FGF12: variants seen among roughly 807,000 people sequenced by gnomAD.
FGF12 encodes the protein fibroblast growth factor 12, also known as fibroblast growth factor 12B.
Under a neutral mutation model 23.6 loss-of-function variants are expected in FGF12, and 14 were observed. The observed-to-expected ratio is 0.59, with a 90% CI of 0.39 to 0.93. The LOEUF (loss-of-function observed/expected upper bound fraction) is 0.93, where lower values mean the gene tolerates loss of function less well. FGF12 is among the 40% of genes least tolerant of loss of function. The pLI, the probability that FGF12 is intolerant of heterozygous loss-of-function variation, is 0.00. For missense variants in FGF12, 175 were observed against 217.8 expected (o/e 0.80, Z 1.24); for synonymous variants, 62 against 77.3 (o/e 0.80, Z 1.04).
chr3:192,539,318 T>C (rs530669575), intron 2 of FGF12, among the ~76,000 whole-genome samples: 1 of 152,310 alleles, frequency 6.6e-6, no homozygotes, highest in Non-Finnish European at 1.5e-5. Context: ...GTTTCTTCTA[T>C]ACCCAGATTT....
chr3:192,660,811 G>A (rs913158463), intron 2 of FGF12, among the ~76,000 whole-genome samples: 16 of 148,800 alleles, frequency 1.1e-4, no homozygotes, highest in Admixed American at 8.3e-4. Flanking sequence ...TGGGGAATAA[G>A]GGAAAACAGA....
chr3:192,410,719 A>G (rs905585562), intron 2 of FGF12, among the ~76,000 whole-genome samples: 9 of 152,118 alleles, frequency 5.9e-5, no homozygotes, highest in Non-Finnish European at 1.3e-4. Flanking sequence ...CTAAAAAGAG[A>G]GCCCAAATAA....
intron 2 of FGF12, among the ~76,000 whole-genome samples, chr3:192,532,986 AATG>A (rs888419198): frequency 6.6e-6 from 1 of 152,172 alleles, no homozygotes; most frequent in African/African-American, 2.4e-5. Context: ...CAAGAAAACA[AATG>A]ATGGATGTAA....
chr3:192,630,271 C>A (rs955992505), intron 2 of FGF12, among the ~76,000 whole-genome samples: 2 of 152,170 alleles, frequency 1.3e-5, no homozygotes. Flanking sequence ...GTACAGCCTG[C>A]AAAACCATGA....
In FGF12 at chr3:192,518,971, T is replaced by C. The variant is rs1030384455; in HGVS notation, c.14-158433A>G. Among the ~76,000 whole-genome samples the C allele has an allele frequency of 2.0e-4, 31 of 152,156 alleles. No individual in the cohort carries two copies. In the Middle Eastern group the frequency reaches 0.02, roughly 100 times the overall value. On this transcript the variant is annotated intron_variant, in intron 2 of 5. Coordinates refer to ENST00000445105, the MANE Select transcript of FGF12 (RefSeq NM_004113.6). ...CCTTCTATTATTTTCCAAACTTTTT[T>C]ATCATAAGTTTCCACTTATGCAAAT...
At chr3:192,395,348 T>C (rs1271879073) in intron 2 of FGF12, among the ~76,000 whole-genome samples, 1 of 152,164 alleles carries the variant, frequency 6.6e-6, no homozygotes, top group Non-Finnish European at 1.5e-5. Context: ...AGACATGAAG[T>C]TCTAAGTATT....
chr3:192,460,688 A>T (rs886709281), intron 2 of FGF12, among the ~76,000 whole-genome samples: 1 of 149,520 alleles, frequency 6.7e-6, no homozygotes, highest in African/African-American at 2.4e-5. Context: ...ATATTTATAT[A>T]TATATATATA....
chr3:192,277,493 G>A (rs1713864030), intron 4 of FGF12, among the ~76,000 whole-genome samples: 1 of 152,172 alleles, frequency 6.6e-6, no homozygotes, highest in Non-Finnish European at 1.5e-5. Context: ...TGCAGTGGGG[G>A]CAGCTGTTTG....
chr3:192,181,496 T>C (rs547765224), intron 4 of FGF12, among the ~76,000 whole-genome samples: 13 of 152,188 alleles, frequency 8.5e-5, no homozygotes, highest in Admixed American at 4.6e-4. Flanking sequence ...CTCTACAATG[T>C]TTTTTATAAA....
chr3:192,225,154 G>A (rs1718668397), intron 4 of FGF12, among the ~76,000 whole-genome samples: 3 of 152,170 alleles, frequency 2.0e-5, no homozygotes, highest in Non-Finnish European at 1.5e-5. Flanking sequence ...CTGCCAGCAA[G>A]TCTGTATCCC....
Position 192,483,672 on chromosome 3 carries a change from G to T in FGF12, c.14-123134C>A, listed in dbSNP as rs552042687. On this transcript the variant is annotated intron_variant, in intron 2 of 5. Transcript: ENST00000445105. ...GAGAATGATCATTCCAGCATGAATT[G>T]CCAAGTAGAAGTGTAGCTGAGGTGG... is the stretch of plus-strand genomic sequence containing the variant. Among the ~76,000 whole-genome samples the T allele has an allele frequency of 8.8e-4, 134 of 152,258 alleles. 3 individuals carry two copies. In the Middle Eastern group the frequency reaches 0.024, roughly 27 times the overall value.
At chr3:192,191,833 C>T (rs981836706) in intron 4 of FGF12, among the ~76,000 whole-genome samples, 2 of 131,200 alleles carry the variant, frequency 1.5e-5, no homozygotes, top group African/African-American at 6.5e-5. Context: ...GAGACTCCGT[C>T]TCAAAAAAAA....
chr3:192,596,201 T>A (rs1293729427), intron 2 of FGF12, among the ~76,000 whole-genome samples: 1 of 147,854 alleles, frequency 6.8e-6, no homozygotes, highest in Non-Finnish European at 1.5e-5. Flanking sequence ...TGATGCCTAC[T>A]CTACTTGAGA....
intron 2 of FGF12, among the ~76,000 whole-genome samples, chr3:192,688,816 T>C (rs961010531): frequency 4.9e-4 from 75 of 152,100 alleles, no homozygotes; most frequent in African/African-American, 1.7e-3. Flanking sequence ...GTATTCACAA[T>C]AGCAAAAACA....
intron 2 of FGF12, among the ~76,000 whole-genome samples, chr3:192,377,134 G>A (rs550492238): frequency 6.6e-6 from 1 of 152,298 alleles, no homozygotes; most frequent in South Asian, 2.1e-4. Flanking sequence ...GCCCTAGGTG[G>A]ACACATCAAG....
chr3:192,471,371 G>A (rs1202016166), intron 2 of FGF12, among the ~76,000 whole-genome samples: 1 of 152,046 alleles, frequency 6.6e-6, no homozygotes, highest in Admixed American at 6.5e-5. Context: ...AAAATTATTT[G>A]TAATCATAAT....
intron 2 of FGF12, among the ~76,000 whole-genome samples, chr3:192,720,157 CAAGA>C (rs1224310077): frequency 6.6e-6 from 1 of 152,246 alleles, no homozygotes; most frequent in African/African-American, 2.4e-5. Flanking sequence ...AATCCACAAA[CAAGA>C]AAGAAACAAA....
chr3:192,398,216 C>T (rs1720606526), intron 2 of FGF12, among the ~76,000 whole-genome samples: 1 of 152,298 alleles, frequency 6.6e-6, no homozygotes, highest in South Asian at 2.1e-4. Flanking sequence ...CCATGGGATG[C>T]AGTTAGGAAC....
At chr3:192,440,544 T>C (rs562685923) in intron 2 of FGF12, among the ~76,000 whole-genome samples, 3 of 152,350 alleles carry the variant, frequency 2.0e-5, no homozygotes, top group South Asian at 2.1e-4. Context: ...CTGTGAGCAA[T>C]AAAATCATAC....
Sources: gnomAD v4.1 joint callset for allele counts (sites outside exome capture counted in the v4.1 genomes callset) on GRCh38, gnomAD v4.1.1 for gene constraint, MANE v1.5 for transcripts, NCBI Gene and HGNC (gene_info 2026-07-23, HGNC 2026-07-21) for gene names.